Variants in NAV3 observed in about 807,000 individuals in gnomAD.
NAV3 encodes the protein pore membrane and/or filament interacting like protein 1.
In NAV3, 87 loss-of-function variants were observed where a neutral mutation model predicts 244.7. That is an observed-to-expected ratio of 0.36 (90% confidence interval 0.30 to 0.42). The LOEUF is 0.42. Among genes scored for constraint, NAV3 ranks in the 20% least tolerant of loss-of-function variants. The pLI is 1.00. For missense variants in NAV3, 2,663 were observed against 2,893.3 expected, an observed-to-expected ratio of 0.92 and a Z score of 1.83; for synonymous variants, 1,126 against 1,042.2, an observed-to-expected ratio of 1.08 and a Z score of -1.55.
At chr12:77,816,673 A>G (rs545493547) in intron 2 of NAV3, among the ~76,000 whole-genome samples, 1 of 152,266 alleles carries the variant, frequency 6.6e-6, no homozygotes, top group East Asian at 1.9e-4. Flanking sequence ...TATGGATTCA[A>G]TGTGTTGTGC....
intron 39 of NAV3, among the ~76,000 whole-genome samples, chr12:78,205,822 A>G (rs1285667291): frequency 6.6e-6 from 1 of 152,162 alleles, no homozygotes; most frequent in Non-Finnish European, 1.5e-5. Context: ...CTAACTCACC[A>G]TTCTATGAGT....
chr12:78,174,972 G>A (rs140069145), intron 24 of NAV3, among the ~76,000 whole-genome samples: 189 of 152,016 alleles, frequency 1.2e-3, no homozygotes, highest in Middle Eastern at 3.4e-3. Context: ...TAATCATTCA[G>A]AATAAATCAT....
chr12:77,620,629 T>A (rs1871331698), intron 2 of NAV3, among the ~76,000 whole-genome samples: 1 of 152,116 alleles, frequency 6.6e-6, no homozygotes, highest in African/African-American at 2.4e-5. Flanking sequence ...GCCTGGTTAA[T>A]TTTTGTATTT....
intron 3 of NAV3, among the ~76,000 whole-genome samples, chr12:77,958,760 A>G (rs1891600764): frequency 6.6e-6 from 1 of 152,104 alleles, no homozygotes; most frequent in South Asian, 2.1e-4. Flanking sequence ...TGAAAAAGAG[A>G]GAGAAAGTAG....
intron 2 of NAV3, among the ~76,000 whole-genome samples, chr12:77,787,629 C>T (rs533945954): frequency 2.6e-5 from 4 of 152,232 alleles, no homozygotes; most frequent in South Asian, 2.1e-4. Flanking sequence ...AGAACAGCAG[C>T]GAGGGGGAAG....
intron 30 of NAV3, among the ~76,000 whole-genome samples, chr12:78,182,495 TATG>T (rs888208684): frequency 2.6e-5 from 4 of 151,956 alleles, no homozygotes; most frequent in Admixed American, 1.3e-4. Flanking sequence ...TTTATGAAAA[TATG>T]ATAAGGTTTG....
At chr12:77,766,735 G>GTTTGTTTTTGTTTTT in intron 2 of NAV3, among the ~76,000 whole-genome samples, 1 of 60,516 alleles carries the variant, frequency 1.7e-5, no homozygotes, top group Non-Finnish European at 3.0e-5. Context: ...AGGCAATTAA[G>GTTTGTTTTTGTTTTT]TTTTTTTTTT....
chr12:77,657,130 G>C (rs971838170), intron 2 of NAV3, among the ~76,000 whole-genome samples: 1 of 152,056 alleles, frequency 6.6e-6, no homozygotes, highest in Non-Finnish European at 1.5e-5. Context: ...AGGAAATAGA[G>C]ACACAAAAAA....
intron 2 of NAV3, among the ~76,000 whole-genome samples, chr12:77,670,808 G>T (rs115902451): frequency 2.6e-5 from 4 of 151,996 alleles, no homozygotes; most frequent in Non-Finnish European, 4.4e-5. Flanking sequence ...AATGCCATCC[G>T]TGACAAACCC....
chr12:77,615,027 G>A (rs1010964828), intron 2 of NAV3, among the ~76,000 whole-genome samples: 1 of 152,142 alleles, frequency 6.6e-6, no homozygotes, highest in Non-Finnish European at 1.5e-5. Flanking sequence ...GATGAAGTAT[G>A]GCAAGGACAT....
At chr12:78,175,491 T>A in intron 25 of NAV3, 64 bp downstream of exon 25, 1 of 1,570,772 alleles carries the variant, frequency 6.4e-7, no homozygotes, top group Non-Finnish European at 8.6e-7. Context: ...GGCCTTTTTC[T>A]TTGGGGCTTT....
At chr12:78,188,811 T>C (rs771737671) in intron 33 of NAV3, 34 bp downstream of exon 33, 1 of 1,598,038 alleles carries the variant, frequency 6.3e-7, no homozygotes, top group African/African-American at 1.3e-5. Context: ...GGCAGAAATA[T>C]AATTTTTAGC....
At chr12:77,815,019 G>C (rs1305066533) in intron 2 of NAV3, among the ~76,000 whole-genome samples, 1 of 152,188 alleles carries the variant, frequency 6.6e-6, no homozygotes, top group African/African-American at 2.4e-5. Flanking sequence ...AAACTATCTT[G>C]ATCATCAGAG....
intron 3 of NAV3, among the ~76,000 whole-genome samples, chr12:77,963,486 G>A (rs1892213022): frequency 6.6e-6 from 1 of 152,018 alleles, no homozygotes; most frequent in Non-Finnish European, 1.5e-5. Flanking sequence ...AATTAAGTGG[G>A]GAAAAGGTAT....
intron 2 of NAV3, among the ~76,000 whole-genome samples, chr12:77,662,514 T>TA (rs1873510118): frequency 6.6e-6 from 1 of 152,046 alleles, no homozygotes; most frequent in South Asian, 2.1e-4. Flanking sequence ...AAAAAAAGTC[T>TA]AATTCTGAAA....
In NAV3 at chr12:77,831,191, G is replaced by C. The variant is rs868250900; in HGVS notation, c.-271G>C. On this transcript the variant is annotated 5_prime_UTR_variant, in exon 1 of 40. Transcript: ENST00000397909. ...AGACAGAGAGAGAGAGAGAGAGAGA[G>C]AGACAGAGAGAGAGAGAGAGAGAGA... 5.9e-4 allele frequency: 51 copies of C among 86,492 alleles called. No individual in the cohort carries two copies. The highest frequency in any genetic ancestry group is 1.3e-3 in the East Asian group (4 of 3,102). 5.4% of individuals were successfully genotyped at this position (86,492 alleles called of 1,614,324 possible). A position where few individuals can be genotyped will look rare whatever the true frequency, so the allele number is the denominator to read the frequency against.
chr12:77,911,807 A>T (rs1327739868), intron 1 of NAV3, among the ~76,000 whole-genome samples: 1 of 152,052 alleles, frequency 6.6e-6, no homozygotes, highest in Non-Finnish European at 1.5e-5. Flanking sequence ...CATTAAACTA[A>T]TTTTCAAGCA....
rs1052467089 is a variant in NAV3 at position 77,922,915 on chromosome 12, T to C, written c.244-17404T>C. 3.3e-5 allele frequency among the ~76,000 whole-genome samples: 5 copies of C among 152,242 alleles called. No homozygotes were observed. In the East Asian group the frequency reaches 9.7e-4, roughly 29 times the overall value. On this transcript the variant is annotated intron_variant, in intron 1 of 39. Coordinates refer to ENST00000397909, the MANE Select transcript of NAV3 (RefSeq NM_001024383.2). ...GAAATCAGATCACCCTTATTGTAAA[T>C]ACTATTACACCCTGAATTTGCTTCT...
At chr12:78,111,773 T>C (rs1189060024) in intron 12 of NAV3, among the ~76,000 whole-genome samples, 16 of 152,166 alleles carry the variant, frequency 1.1e-4, no homozygotes, top group African/African-American at 3.1e-4. Flanking sequence ...TCTCTTGATA[T>C]ATGTCTTTTC....
Sources: allele counts gnomAD v4.1 joint callset (sites outside exome capture counted in the v4.1 genomes callset), GRCh38; gene constraint gnomAD v4.1.1; transcripts MANE v1.5; gene names NCBI Gene and HGNC (gene_info 2026-07-23, HGNC 2026-07-21).